The following VRK3 variants were observed in gnomAD, a reference collection of about 807,000 sequenced individuals.
VRK3 encodes the protein serine/threonine-protein kinase VRK3.
Under a neutral mutation model 60.4 loss-of-function variants are expected in VRK3, and 50 were observed. The ratio of observed to expected loss-of-function variants is 0.83; its 90% CI spans 0.66 to 1.05. The LOEUF is 1.05. Among genes scored for constraint, VRK3 ranks in the 50% least tolerant of loss-of-function variants. The probability of loss-of-function intolerance (pLI) is 0.00; values close to 1 mark genes in which losing one functional copy is unlikely to be tolerated. For synonymous variants in VRK3, 246 were observed against 227.8 expected (o/e 1.08, Z -0.72); for missense variants, 549 against 585.3 (o/e 0.94, Z 0.64).
chr19:50,002,986 T>C (rs1259800600), intron 5 of VRK3, among the ~76,000 whole-genome samples: 1 of 152,226 alleles, frequency 6.6e-6, no homozygotes, highest in African/African-American at 2.4e-5. Context: ...TATACGGCAG[T>C]GGCCGTTTTC....
intron 1 of VRK3, 183 bp downstream of exon 1, chr19:50,025,084 G>C (rs1255421858): frequency 2.0e-5 from 3 of 152,260 alleles, no homozygotes; most frequent in Non-Finnish European, 2.9e-5. Context: ...CGGAGCCCAA[G>C]GTGGCTTGGG....
intron 5 of VRK3, 92 bp from the exon 6 acceptor site, chr19:50,000,946 G>A: frequency 7.9e-7 from 1 of 1,258,902 alleles, no homozygotes; most frequent in Non-Finnish European, 1.1e-6. Flanking sequence ...AAGCGGCTCT[G>A]GTGCCCTGGT....
At chr19:49,991,518 T>TAC (rs937491646) in intron 10 of VRK3, among the ~76,000 whole-genome samples, 91 of 150,828 alleles carry the variant, frequency 6.0e-4, no homozygotes, top group Middle Eastern at 3.4e-3. Context: ...AATAAATCTC[T>TAC]ACACACACAC....
intron 1 of VRK3, 135 bp from the exon 2 acceptor site, chr19:50,020,782 C>T (rs1445601894): frequency 6.6e-6 from 1 of 152,258 alleles, no homozygotes; most frequent in African/African-American, 2.4e-5. Flanking sequence ...TACTCTATAA[C>T]TATTCACCGA....
intron 13 of VRK3, among the ~76,000 whole-genome samples, chr19:49,979,561 C>A (rs766197449): frequency 3.4e-4 from 52 of 152,152 alleles, no homozygotes; most frequent in Non-Finnish European, 1.0e-4. Flanking sequence ...AAAGCAAATC[C>A]CAGCTAGCAA....
intron 7 of VRK3, among the ~76,000 whole-genome samples, chr19:49,996,517 C>T (rs1218124480): frequency 6.6e-6 from 1 of 152,138 alleles, no homozygotes; most frequent in African/African-American, 2.4e-5. Context: ...ACCTCACTGG[C>T]AGAGATCACA....
intron 1 of VRK3, 88 bp downstream of exon 1, chr19:50,025,179 A>G (rs1308809835): frequency 6.6e-6 from 1 of 152,234 alleles, no homozygotes; most frequent in Non-Finnish European, 1.5e-5. Context: ...GCCTCCCACA[A>G]ACGGTCGTGC....
chr19:49,999,338 G>T (rs1413204599), intron 6 of VRK3: 1 of 152,174 alleles, frequency 6.6e-6, no homozygotes. Context: ...CGCGAGCGAC[G>T]TGGGCACAGC....
chr19:49,996,267 G>T (rs1250080636), intron 7 of VRK3, among the ~76,000 whole-genome samples: 1 of 151,920 alleles, frequency 6.6e-6, no homozygotes, highest in African/African-American at 2.4e-5. Context: ...ATGTTGGCCA[G>T]GCTGGTCTCG....
intron 5 of VRK3, among the ~76,000 whole-genome samples, chr19:50,007,354 C>T (rs577204206): frequency 6.6e-6 from 1 of 152,318 alleles, no homozygotes; most frequent in Non-Finnish European, 1.5e-5. Flanking sequence ...CCCCGCCACT[C>T]CCAACTGCCT....
chr19:49,985,775 T>C (rs2076504252), intron 12 of VRK3, among the ~76,000 whole-genome samples: 1 of 152,160 alleles, frequency 6.6e-6, no homozygotes, highest in South Asian at 2.1e-4. Flanking sequence ...GGTTCAGTAT[T>C]TGTTGAGTGA....
At chr19:50,003,213 C>T (rs536211374) in intron 5 of VRK3, among the ~76,000 whole-genome samples, 1 of 152,224 alleles carries the variant, frequency 6.6e-6, no homozygotes, top group South Asian at 2.1e-4. Context: ...GGGACCCTGA[C>T]TGACTTCTCC....
At chr19:49,981,629 C>A in intron 12 of VRK3, 1 of 791,026 alleles carries the variant, frequency 1.3e-6, no homozygotes, top group Non-Finnish European at 1.5e-6. Context: ...ATTGTTGATT[C>A]ATTAGCATTG....
At chr19:49,985,382 C>T (rs73932237) in intron 12 of VRK3, among the ~76,000 whole-genome samples, 10,803 of 152,258 alleles carry the variant, frequency 0.071, 783 homozygotes, top group African/African-American at 0.19. Flanking sequence ...AGGTTGCCTG[C>T]GGAAGTCTGG....
chr19:50,002,832 A>G (rs1038484832), intron 5 of VRK3, among the ~76,000 whole-genome samples: 1 of 152,108 alleles, frequency 6.6e-6, no homozygotes, highest in Non-Finnish European at 1.5e-5. Flanking sequence ...TGACAAATGG[A>G]AAGTCTCTAC....
intron 5 of VRK3, among the ~76,000 whole-genome samples, chr19:50,005,235 G>C (rs572264900): frequency 6.7e-6 from 1 of 149,260 alleles, no homozygotes; most frequent in South Asian, 2.1e-4. Context: ...CCCTCAGTGT[G>C]TCGGAGCCAA....
chr19:50,022,775 C>G (rs773310767), intron 1 of VRK3, among the ~76,000 whole-genome samples: 19 of 152,160 alleles, frequency 1.2e-4, no homozygotes, highest in African/African-American at 1.9e-4. Flanking sequence ...GCCTGGGCAA[C>G]AGAGCAAGAC....
intron 5 of VRK3, among the ~76,000 whole-genome samples, chr19:50,006,866 C>T (rs1438224713): frequency 6.6e-6 from 1 of 152,198 alleles, no homozygotes; most frequent in Non-Finnish European, 1.5e-5. Context: ...CTGAGCTTTT[C>T]AGCCTTGTGC....
intron 3 of VRK3, among the ~76,000 whole-genome samples, chr19:50,015,515 G>C (rs1298787733): frequency 6.6e-6 from 1 of 151,924 alleles, no homozygotes; most frequent in African/African-American, 2.4e-5. Flanking sequence ...CAGGATGTTG[G>C]CCAGGCTGGT....
Sources: allele counts gnomAD v4.1 joint callset (sites outside exome capture counted in the v4.1 genomes callset), GRCh38; gene constraint gnomAD v4.1.1; transcripts MANE v1.5; gene names NCBI Gene and HGNC (gene_info 2026-07-23, HGNC 2026-07-21).